Variants in CXADR observed in about 807,000 individuals in gnomAD.
CXADR encodes coxsackievirus and adenovirus receptor.
A neutral mutation model predicts 40.3 loss-of-function variants in CXADR; 20 were observed. The ratio of observed to expected loss-of-function variants is 0.50; its 90% CI spans 0.35 to 0.72. The LOEUF (loss-of-function observed/expected upper bound fraction) is 0.72, where lower values mean the gene tolerates loss of function less well. Among genes scored for constraint, CXADR ranks in the 30% least tolerant of loss-of-function variants. The pLI is 0.01. For missense variants in CXADR, 332 were observed against 449.1 expected, an observed-to-expected ratio of 0.74 and a Z score of 2.36; for synonymous variants, 150 against 161.3, an observed-to-expected ratio of 0.93 and a Z score of 0.53.
chr21:17,540,114 A>G (rs1456712545), intron 1 of CXADR, among the ~76,000 whole-genome samples: 1 of 152,150 alleles, frequency 6.6e-6, no homozygotes, highest in East Asian at 1.9e-4. Flanking sequence ...GTCTCCCTCT[A>G]TCCTCACGTG....
At position 17,567,805 on chromosome 21, in the gene CXADR, C is replaced by G; in HGVS notation, c.*2113C>G. 1.1e-6 allele frequency: 1 copy of G among 944,340 alleles called. No individual in the cohort carries two copies. The highest frequency in any genetic ancestry group is 1.3e-6 in the Non-Finnish European group (1 of 793,144). The allele number at this position is 944,340 out of a possible 1,614,324, so 58.5% of individuals were successfully genotyped here. On this transcript the variant is annotated 3_prime_UTR_variant, in exon 7 of 7. Transcript: ENST00000284878. ...CTGACTTTCATATAATGAAAATTAT[C>G]CTATTGATCTAAGTAGAAGTTATCA... is the stretch of plus-strand genomic sequence containing the variant.
At chr21:17,570,855 T>A (rs1222985936), downstream of CXADR, among the ~76,000 whole-genome samples, 1 of 152,218 alleles carries the variant, frequency 6.6e-6, no homozygotes, top group Non-Finnish European at 1.5e-5. Flanking sequence ...TTAAGAAGCA[T>A]GTTGAGGAAT....
the CXADR span, among the ~76,000 whole-genome samples, chr21:17,609,483 G>T: frequency 2.6e-4 from 40 of 152,300 alleles, no homozygotes; most frequent in Non-Finnish European, 5.6e-4. Flanking sequence ...GTTACTGTGT[G>T]TGTCAATATT....
rs2061252119 is a variant in CXADR, at chr21:17,569,070, T to A, written c.*3378T>A. On this transcript the variant is annotated 3_prime_UTR_variant, in exon 7 of 7. Coordinates refer to ENST00000284878, the MANE Select transcript of CXADR (RefSeq NM_001338.5). The stretch of plus-strand genomic sequence containing the variant: ...GGCAAGTAAACCTTTTGATGAAATA[T>A]AAAAGGAACTCATTGCATGAAGTTG... 1 of 985,320 alleles carries A rather than the reference T, an allele frequency of 1.0e-6. No homozygotes were observed. Among genetic ancestry groups the A allele is most frequent in the Non-Finnish European group, 1.2e-6 (1 of 829,926 alleles). 61.0% of individuals were successfully genotyped at this position (985,320 alleles called of 1,614,324 possible).
At chr21:17,627,972 A>T in the CXADR span, among the ~76,000 whole-genome samples, 1 of 152,222 alleles carries the variant, frequency 6.6e-6, no homozygotes, top group Non-Finnish European at 1.5e-5. Context: ...GATTTTTTCT[A>T]AAAGCAAGTA....
the CXADR span, among the ~76,000 whole-genome samples, chr21:17,625,332 A>G: frequency 6.6e-6 from 1 of 152,170 alleles, no homozygotes; most frequent in African/African-American, 2.4e-5. Context: ...CTGAAAGAAA[A>G]AAATTTATTG....
intron 1 of CXADR, among the ~76,000 whole-genome samples, chr21:17,541,488 A>G (rs1380511295): frequency 1.3e-5 from 2 of 151,724 alleles, no homozygotes; most frequent in African/African-American, 4.8e-5. Context: ...AACCTGGGAG[A>G]CGGAGCTTGC....
intron 3 of CXADR, among the ~76,000 whole-genome samples, chr21:17,554,511 G>T (rs1328297121): frequency 6.6e-6 from 1 of 152,110 alleles, no homozygotes; most frequent in Non-Finnish European, 1.5e-5. Flanking sequence ...GGATAAACTG[G>T]GGATGAGAGG....
At chr21:17,523,219 C>A (rs943957659) in intron 1 of CXADR, among the ~76,000 whole-genome samples, 4 of 152,162 alleles carry the variant, frequency 2.6e-5, no homozygotes, top group African/African-American at 9.7e-5. Context: ...CCAGAATGTA[C>A]ATTTCATAGG....
chr21:17,540,750 C>G (rs2060816559), intron 1 of CXADR, among the ~76,000 whole-genome samples: 1 of 152,240 alleles, frequency 6.6e-6, no homozygotes, highest in Non-Finnish European at 1.5e-5. Context: ...GATTAGCACA[C>G]TGACATTTCA....
intron 2 of CXADR, among the ~76,000 whole-genome samples, chr21:17,547,966 C>T (rs1005232555): frequency 6.6e-6 from 1 of 152,086 alleles, no homozygotes; most frequent in South Asian, 2.1e-4. Flanking sequence ...CTAATAATCT[C>T]ATCTCCAAAT....
the CXADR span, among the ~76,000 whole-genome samples, chr21:17,614,325 A>G: frequency 8.5e-5 from 13 of 152,348 alleles, no homozygotes; most frequent in Middle Eastern, 3.4e-3. Context: ...AGAAATTTCT[A>G]TAGTTTAGGA....
the CXADR span, among the ~76,000 whole-genome samples, chr21:17,631,054 A>G: frequency 2.0e-5 from 3 of 152,198 alleles, no homozygotes; most frequent in Non-Finnish European, 4.4e-5. Flanking sequence ...AGATTCTCTA[A>G]GATAGTTGTA....
the CXADR span, among the ~76,000 whole-genome samples, chr21:17,601,520 T>C: frequency 6.6e-6 from 1 of 152,150 alleles, no homozygotes; most frequent in Non-Finnish European, 1.5e-5. Context: ...CAAGACCCTC[T>C]CTCTAAAACA....
Position 17,568,402 on chromosome 21 carries a change from A to G in CXADR, c.*2710A>G. The G allele has an allele frequency of 1.0e-6, 1 of 981,004 alleles. No homozygotes were observed. Among genetic ancestry groups the G allele is most frequent in the African/African-American group, 1.7e-5 (1 of 57,186 alleles). The allele number at this position is 981,004 out of a possible 1,614,324, so 60.8% of individuals were successfully genotyped here. ...CTCGGCCTCCCAAAGTGCTGGGATT[A>G]CAGGCGTGAACCACTGCACCCGGCC... On this transcript the variant is annotated 3_prime_UTR_variant, in exon 7 of 7. Transcript: ENST00000284878.
At chr21:17,545,465 C>T (rs964328290) in intron 1 of CXADR, among the ~76,000 whole-genome samples, 1 of 152,010 alleles carries the variant, frequency 6.6e-6, no homozygotes, top group Non-Finnish European at 1.5e-5. Context: ...CTTGCTTTGT[C>T]ACCCAGGCTG....
chr21:17,575,329 G>A (rs971672522), intron 7 of CXADR, among the ~76,000 whole-genome samples: 1 of 151,482 alleles, frequency 6.6e-6, no homozygotes, highest in Non-Finnish European at 1.5e-5. Flanking sequence ...GATAACAGGC[G>A]CACCCACATG....
At chr21:17,575,770 T>A (rs1257046954) in intron 7 of CXADR, among the ~76,000 whole-genome samples, 1 of 150,298 alleles carries the variant, frequency 6.7e-6, no homozygotes, top group African/African-American at 2.5e-5. Flanking sequence ...TGGGATTAAT[T>A]TGTAAAATTT....
chr21:17,603,730 T>C, the CXADR span, among the ~76,000 whole-genome samples: 1 of 152,180 alleles, frequency 6.6e-6, no homozygotes, highest in Non-Finnish European at 1.5e-5. Context: ...TTCCTGCTAG[T>C]TAGAACATCC....
Sources: gnomAD v4.1 joint callset for allele counts (sites outside exome capture counted in the v4.1 genomes callset) on GRCh38, gnomAD v4.1.1 for gene constraint, MANE v1.5 for transcripts, NCBI Gene and HGNC (gene_info 2026-07-23, HGNC 2026-07-21) for gene names.